The following LMF2 variants were observed in gnomAD, a reference collection of about 807,000 sequenced individuals.
The protein encoded by LMF2 is transmembrane protein 112B.
LMF2 carries 113 observed loss-of-function variants against 81.5 expected under a neutral mutation model. That is an observed-to-expected ratio of 1.39 (90% CI 1.19 to 1.62). The LOEUF is 1.62. Among genes scored for constraint, LMF2 ranks in the 40% most tolerant of loss-of-function variants. LMF2 has a pLI of 0.00. For missense variants in LMF2, 1,235 were observed against 929.1 expected, an observed-to-expected ratio of 1.33 and a Z score of -4.28; for synonymous variants, 645 against 424.5, an observed-to-expected ratio of 1.52 and a Z score of -6.39.
rs766371678 is a variant in LMF2 at position 50,503,941 on chromosome 22, C to A, written c.1719-37G>T. The A allele has an allele frequency of 7.6e-6, 12 of 1,576,706 alleles. No individual in the cohort carries two copies. The East Asian group carries it at 2.0e-4, about 26-fold the overall frequency. On this transcript the variant is annotated intron_variant, in intron 12 of 13. Transcript: ENST00000474879. ...CCCGATGTTCAGAAGCTGGAGGCAC[C>A]CCGGGCTCCATACCCCATCGCCAGT... is the stretch of plus-strand genomic sequence containing the variant.
rs746796265 is a variant in LMF2, at chr22:50,507,626, G to C, written c.50C>G (p.Ala17Gly). Residue 17 changes from alanine to glycine, a missense_variant, in exon 1 of 14, where the codon GCC becomes GGC. Coordinates refer to ENST00000474879, the MANE Select transcript of LMF2 (RefSeq NM_033200.3). ...GGAAGCGAAAGCAAACATGAAGACG[G>C]CCGCCACGCCCTGGAGGAAGAGCTG... ...PRQLFLQGVA[A>G]VFMFAFASLY... 3.3e-5 allele frequency: 51 copies of C among 1,557,908 alleles called. No homozygotes were observed. The East Asian group carries it at 1.2e-3, about 37-fold the overall frequency.
In LMF2 at chr22:50,504,451, A is replaced by T. The variant is rs759076289; in HGVS notation, c.1607T>A (p.Val536Glu). 1.9e-6 allele frequency: 3 copies of T among 1,610,810 alleles called. No individual in the cohort carries two copies. In the East Asian group the frequency reaches 6.7e-5, roughly 36 times the overall value. Residue 536 changes from valine to glutamate, a missense_variant and splice_region_variant, in exon 12 of 14, where the codon GTG becomes GAG. Val to Glu is a moderately radical substitution (Grantham distance 121). Coordinates refer to ENST00000474879, the MANE Select transcript of LMF2 (RefSeq NM_033200.3). ...CACTTGGCTCTGGACAAGGCGGATC[A>T]CTGCAGCGAGAGGCATCAGCGTGGC... ...VLRLLQGKEPVIRLVQSQVAR... is the reference protein window; with the variant it reads ...VLRLLQGKEPEIRLVQSQVAR...
At position 50,504,907 on chromosome 22, in the gene LMF2, C is replaced by T; in HGVS notation, c.1332G>A (p.Glu444=). 1 of 1,608,840 alleles carries T rather than the reference C, an allele frequency of 6.2e-7. No homozygotes were observed. The highest frequency in any genetic ancestry group is 8.5e-7 in the Non-Finnish European group (1 of 1,177,942). The stretch of plus-strand genomic sequence containing the variant: ...CGTAGGAGTTGGCCAGCTGTAGGTG[C>T]TCCACGGCACCAAACAGGCGGTGGG... The part of the protein sequence containing the change: ...TGAHRLFGAV[E]HLQLANSYGL... The change falls in exon 10 of 14, where the codon GAG becomes GAA. Residue 444 remains glutamate, a synonymous_variant. Transcript: ENST00000474879.
Position 50,503,904 on chromosome 22 carries a change from G to C in LMF2, c.1719C>G (p.Gly573=), listed in dbSNP as rs150745500. 13 of 1,604,306 alleles carry C rather than the reference G, an allele frequency of 8.1e-6. No individual in the cohort carries two copies. In the East Asian group the frequency reaches 2.5e-4, roughly 30 times the overall value. ...CCACCCACTGGCGCCGCCACCACTG[G>C]CTGCAGCAGGACCCGATGTTCAGAA... ...KYWFSQPGEQ[G]QWWRRQWVEE... The change falls in exon 13 of 14, where the codon GGC becomes GGG. Residue 573 remains glycine (G), a splice_region_variant and synonymous_variant. Transcript: ENST00000474879.
At position 50,506,071 on chromosome 22, in the gene LMF2, G is replaced by C; in HGVS notation, c.738C>G (p.Pro246=). The C allele has an allele frequency of 3.1e-6, 5 of 1,592,180 alleles. No homozygotes were observed. Among genetic ancestry groups the C allele is most frequent in the Non-Finnish European group, 4.3e-6 (5 of 1,169,718 alleles). The change falls in exon 5 of 14, where the codon CCC becomes CCG. Residue 246 remains proline (P), a synonymous_variant. Coordinates refer to ENST00000474879, the MANE Select transcript of LMF2 (RefSeq NM_033200.3). ...AAGCAGCCAAGCGCAGGCGTCGAATGGGGGCGAAGAACAGGGGCGGCACAG... is the reference window on the plus strand; with the variant it reads ...AAGCAGCCAAGCGCAGGCGTCGAATCGGGGCGAAGAACAGGGGCGGCACAG... ...EIAVPPLFFA[P]IRRLRLAAFY...
Position 50,504,615 on chromosome 22 carries a change from G to A in LMF2, c.1550C>T (p.Thr517Met), listed in dbSNP as rs138598801. 266 of 1,607,222 alleles carry A rather than the reference G, an allele frequency of 1.7e-4. No homozygotes were observed. The highest frequency in any genetic ancestry group is 5.7e-4 in the South Asian group (52 of 91,022). ...CAGGCTTGTGAACCACGGGCTGTGC[G>A]TGTGTGGGCCCAGGGCTGCAAACCA... is the stretch of plus-strand genomic sequence containing the variant. Reference protein sequence around the residue: ...QMWFAALGPHTHSPWFTSLVL... With the variant: ...QMWFAALGPHMHSPWFTSLVL... Residue 517 changes from threonine to methionine, a missense_variant, in exon 11 of 14, where the codon ACG becomes ATG. Physicochemically the swap from Thr to Met is moderately conservative, Grantham distance 81. Transcript: ENST00000474879.
Position 50,506,376 on chromosome 22 carries a change from G to A in LMF2, c.504C>T (p.Phe168=). The stretch of plus-strand genomic sequence containing the variant: ...GGAACAGCAGCCATCGCACCAGCCA[G>A]AAGGGGAGGTCTTCGTGGGGCAGGG... ...AGALPHEDLP[F]WLVRWLLFRL... Residue 168 remains phenylalanine, a synonymous_variant, in exon 4 of 14, where the codon TTC becomes TTT. Transcript: ENST00000474879. The A allele has an allele frequency of 6.5e-7, 1 of 1,549,978 alleles. No homozygotes were observed. Among genetic ancestry groups the A allele is most frequent in the Non-Finnish European group, 8.7e-7 (1 of 1,147,180 alleles).
intron 5 of LMF2, 44 bp from the exon 6 acceptor site, chr22:50,505,859 G>A: frequency 6.2e-7 from 1 of 1,607,478 alleles, no homozygotes; most frequent in South Asian, 1.1e-5. Context: ...CTGACGCCTG[G>A]CCCCGTGGCA....
At position 50,507,692 on chromosome 22, in the gene LMF2, G is replaced by T; in HGVS notation, c.-17C>A. Reference sequence around the variant, plus strand: ...GCCCGCCATGTCCGCTACGCGGCCCGCTAGAGCAGGGCCCGCCCTCCGCGT... The same window carrying T: ...GCCCGCCATGTCCGCTACGCGGCCCTCTAGAGCAGGGCCCGCCCTCCGCGT... On this transcript the variant is annotated 5_prime_UTR_variant, in exon 1 of 14. Transcript: ENST00000474879. 1.9e-6 allele frequency: 3 copies of T among 1,542,210 alleles called. No homozygotes were observed. The highest frequency in any genetic ancestry group is 2.6e-6 in the Non-Finnish European group (3 of 1,142,018).
In LMF2 at chr22:50,505,751, A is replaced by G. The variant is rs1340957791; in HGVS notation, c.839T>C (p.Val280Ala). The G allele has an allele frequency of 6.2e-7, 1 of 1,613,064 alleles. No individual in the cohort carries two copies. Among genetic ancestry groups the G allele is most frequent in the East Asian group, 2.2e-5 (1 of 44,884 alleles). ...GTCGTCCAGCAGCGCAGTGGTAAGC[A>G]CCAGCGTCATCAGGTTGAAGAAGTT... Reference protein sequence around the residue: ...NYNFFNLMTLVLTTALLDDQH... With the variant: ...NYNFFNLMTLALTTALLDDQH... Residue 280 changes from valine (V) to alanine (A), a missense_variant, in exon 6 of 14, where the codon GTG (valine) becomes GCG (alanine). Transcript: ENST00000474879.
chr22:50,503,250 G>T lies in LMF2; in HGVS notation c.*141C>A. Reference sequence around the variant, plus strand: ...CCTGGAGCCCTCAATGCAGCACCCTGCAAACCCCAGGGGCAGCCCCCCAAC... The same window carrying T: ...CCTGGAGCCCTCAATGCAGCACCCTTCAAACCCCAGGGGCAGCCCCCCAAC... On this transcript the variant is annotated 3_prime_UTR_variant, in exon 14 of 14. Transcript: ENST00000474879. 1.1e-6 allele frequency: 1 copy of T among 888,950 alleles called. No individual in the cohort carries two copies. Among genetic ancestry groups the T allele is most frequent in the Non-Finnish European group, 1.7e-6 (1 of 596,730 alleles). The allele number at this position is 888,950 out of a possible 1,614,324, so 55.1% of individuals were successfully genotyped here.
In LMF2 at chr22:50,506,872, T is replaced by A. The variant is rs760816010; in HGVS notation, c.258A>T (p.Ala86=). The change falls in exon 2 of 14, where the codon GCA becomes GCT. Residue 86 remains alanine, a synonymous_variant. Transcript: ENST00000474879. ...GCAGCAGGGCTCCCAGGGCCACTAG[T>A]GCACCCAGCAGGCTCAGCAGCTCCA... ...QGLELLSLLG[A]LVALGALLLS... is the part of the protein sequence containing the mutation. The A allele has an allele frequency of 3.1e-6, 5 of 1,590,720 alleles. No homozygotes were observed. Among genetic ancestry groups the A allele is most frequent in the Non-Finnish European group, 4.3e-6 (5 of 1,169,160 alleles).
rs780112958 is a variant in LMF2 at position 50,503,213 on chromosome 22, G to A, written c.*178C>T. 79 of 588,938 alleles carry A rather than the reference G, an allele frequency of 1.3e-4. No individual in the cohort carries two copies. Among genetic ancestry groups the A allele is most frequent in the Non-Finnish European group, 1.4e-4 (48 of 348,900 alleles). 36.5% of individuals were successfully genotyped at this position (588,938 alleles called of 1,614,324 possible). A position where few individuals can be genotyped will look rare whatever the true frequency, so the allele number is the denominator to read the frequency against. ...AGTCCTGGGGAGGGGCATGGCTGGCGTGGGGGTGGGGCCTGGAGCCCTCAA... is the reference window on the plus strand; with the variant it reads ...AGTCCTGGGGAGGGGCATGGCTGGCATGGGGGTGGGGCCTGGAGCCCTCAA... On this transcript the variant is annotated 3_prime_UTR_variant, in exon 14 of 14. Transcript: ENST00000474879.
chr22:50,506,122 C>A lies in LMF2; in HGVS notation c.687G>T (p.Val229=), dbSNP rs1279867731. The change falls in exon 5 of 14, where the codon GTG becomes GTT. Residue 229 remains valine (V), a synonymous_variant. Transcript: ENST00000474879. ...HLPVWLHKLS[V]VATFLIEIAV... The stretch of plus-strand genomic sequence containing the variant: ...CGATCTCAATTAGGAAGGTGGCCAC[C>A]ACGCTGAGCTTGTGCAGCCAGACCG... The A allele has an allele frequency of 1.9e-6, 3 of 1,582,444 alleles. No homozygotes were observed. Among genetic ancestry groups the A allele is most frequent in the Non-Finnish European group, 2.6e-6 (3 of 1,164,526 alleles).
intron 3 of LMF2, 28 bp from the exon 4 acceptor site, chr22:50,506,530 G>A (rs760184440): frequency 1.7e-5 from 27 of 1,567,194 alleles, no homozygotes; most frequent in African/African-American, 2.7e-5. Context: ...AGCACCAAGA[G>A]CCCCTCCCCA....
At position 50,505,536 on chromosome 22, in the gene LMF2, G is replaced by A. The variant is rs2068538125; in HGVS notation, c.918C>T (p.Ser306=). Residue 306 remains serine (S), a splice_region_variant and synonymous_variant, in exon 7 of 14, where the codon TCC becomes TCT. Coordinates refer to ENST00000474879, the MANE Select transcript of LMF2 (RefSeq NM_033200.3). The part of the protein sequence containing the change: ...GHGSRKKTAT[S]WPKALLATLS... ...GGGTGGCCAGCAGGGCCTTGGGCCA[G>A]GCTGTGGGGCAGGACAGTCATGGGT... 1 of 1,612,360 alleles carries A rather than the reference G, an allele frequency of 6.2e-7. No individual in the cohort carries two copies. The highest frequency in any genetic ancestry group is 1.3e-5 in the African/African-American group (1 of 74,950).
rs1434514497 is a variant in LMF2, at chr22:50,504,634, C to T, written c.1531G>A (p.Ala511Thr). ...QPRLDWQMWF[A>T]ALGPHTHSPW... ...CTGTGCGTGTGTGGGCCCAGGGCTG[C>T]AAACCACATCTGCCAGTCCAGGCGT... Residue 511 changes from alanine (A) to threonine (T), a missense_variant, in exon 11 of 14, where the codon GCA becomes ACA. Coordinates refer to ENST00000474879, the MANE Select transcript of LMF2 (RefSeq NM_033200.3). 1 of 1,608,240 alleles carries T rather than the reference C, an allele frequency of 6.2e-7. No individual in the cohort carries two copies. The highest frequency in any genetic ancestry group is 8.5e-7 in the Non-Finnish European group (1 of 1,179,252).
chr22:50,507,654 G>GCGGGAGC lies in LMF2; in HGVS notation c.15_21dup (p.Arg8AlafsTer231), dbSNP rs1315547164. On this transcript the variant is annotated frameshift_variant, in exon 1 of 14. Transcript: ENST00000474879. LOFTEE classifies it high-confidence loss of function. ...GCCACGCCCTGGAGGAAGAGCTGCC[G>GCGGGAGC]CGGGAGCCGGGAGCCCGCCATGTCC... 3 of 1,550,414 alleles carry GCGGGAGC rather than the reference G, an allele frequency of 1.9e-6. No homozygotes were observed. The highest frequency in any genetic ancestry group is 2.4e-5 in the East Asian group (1 of 40,932).
chr22:50,503,298 A>G lies in LMF2; in HGVS notation c.*93T>C. On this transcript the variant is annotated 3_prime_UTR_variant, in exon 14 of 14. Coordinates refer to ENST00000474879, the MANE Select transcript of LMF2 (RefSeq NM_033200.3). ...AACCTGTGCCTGGCCCTGCAGGGTC[A>G]GCTAAGGCACAGTGGCTGGGTCCTG... The G allele has an allele frequency of 7.3e-7, 1 of 1,371,722 alleles. No individual in the cohort carries two copies. The highest frequency in any genetic ancestry group is 1.3e-5 in the South Asian group (1 of 77,812). The allele number at this position is 1,371,722 out of a possible 1,614,324, so 85.0% of individuals were successfully genotyped here.
Sources: allele counts gnomAD v4.1 joint callset, GRCh38; gene constraint gnomAD v4.1.1; transcripts MANE v1.5; gene names NCBI Gene and HGNC (gene_info 2026-07-23, HGNC 2026-07-21).